Variants in RIT2 observed in about 807,000 individuals in gnomAD.
RIT2 encodes GTP-binding protein Rit2.
In RIT2, 24 loss-of-function variants were observed where a neutral mutation model predicts 23.7. The observed-to-expected ratio is 1.01, with a 90% confidence interval of 0.73 to 1.43. The LOEUF (loss-of-function observed/expected upper bound fraction) is 1.43. Among genes scored for constraint, RIT2 ranks in the 40% most tolerant of loss-of-function variants. The pLI is 0.00. For missense variants in RIT2, 236 were observed against 266.9 expected (o/e 0.88, Z 0.81); for synonymous variants, 107 against 91.1 (o/e 1.17, Z -0.99).
At chr18:42,994,932 C>T (rs1043608238) in intron 2 of RIT2, among the ~76,000 whole-genome samples, 2 of 152,132 alleles carry the variant, frequency 1.3e-5, no homozygotes, top group African/African-American at 4.8e-5. Context: ...GTTCCTGGCC[C>T]GGACTTCAAT....
Position 42,973,702 on chromosome 18 carries a change from G to A in RIT2, c.234+372C>T, listed in dbSNP as rs1910413382. 2.0e-5 allele frequency among the ~76,000 whole-genome samples: 3 copies of A among 151,552 alleles called. No individual in the cohort carries two copies. The South Asian group carries it at 6.2e-4, about 31-fold the overall frequency. ...TATTCCATCAGGTTCCTTATCCTTA[G>A]TTCCATGAGCAGATTTGCTAAGCAG... is the stretch of plus-strand genomic sequence containing the variant. On this transcript the variant is annotated intron_variant, in intron 3 of 4. Coordinates refer to ENST00000326695, the MANE Select transcript of RIT2 (RefSeq NM_002930.4).
intron 1 of RIT2, among the ~76,000 whole-genome samples, chr18:43,038,548 T>C (rs538966724): frequency 7.9e-5 from 12 of 152,244 alleles, no homozygotes; most frequent in African/African-American, 2.9e-4. Flanking sequence ...TGTCCCTTAT[T>C]TCTCAGATGA....
intron 4 of RIT2, among the ~76,000 whole-genome samples, chr18:42,854,507 GAAT>G (rs1907133759): frequency 6.6e-6 from 1 of 152,092 alleles, no homozygotes; most frequent in Admixed American, 6.5e-5. Flanking sequence ...TCCATACCCA[GAAT>G]GCTCTGTCAT....
chr18:43,010,763 T>G (rs1351654279), intron 2 of RIT2, among the ~76,000 whole-genome samples: 2 of 151,814 alleles, frequency 1.3e-5, no homozygotes, highest in Non-Finnish European at 2.9e-5. Flanking sequence ...AGGTCATGAC[T>G]AATTTTTACA....
chr18:42,886,242 A>G (rs1408505917), intron 4 of RIT2, among the ~76,000 whole-genome samples: 1 of 152,226 alleles, frequency 6.6e-6, no homozygotes, highest in Non-Finnish European at 1.5e-5. Flanking sequence ...GCATCATAAA[A>G]TCTTCATCAG....
intron 1 of RIT2, among the ~76,000 whole-genome samples, chr18:43,109,738 C>G (rs528068837): frequency 2.6e-5 from 4 of 152,172 alleles, no homozygotes; most frequent in Non-Finnish European, 4.4e-5. Flanking sequence ...TCCCAGAGGT[C>G]AGGAATCACC....
At chr18:42,974,598 T>C (rs1315898807) in intron 2 of RIT2, among the ~76,000 whole-genome samples, 1 of 151,744 alleles carries the variant, frequency 6.6e-6, no homozygotes. Context: ...GAAGAAAAAA[T>C]AAAATCATCC....
chr18:42,929,405 G>A (rs895932485), intron 3 of RIT2, among the ~76,000 whole-genome samples: 2 of 151,898 alleles, frequency 1.3e-5, no homozygotes, highest in African/African-American at 2.4e-5. Flanking sequence ...TAATACTGAC[G>A]GAAGCTTCAA....
At position 42,923,363 on chromosome 18, in the gene RIT2, G is replaced by C. The variant is rs1909099514; in HGVS notation, c.426+209C>G. On this transcript the variant is annotated intron_variant, in intron 4 of 4. Coordinates refer to ENST00000326695, the MANE Select transcript of RIT2 (RefSeq NM_002930.4). The stretch of plus-strand genomic sequence containing the variant: ...CCAGATCCTAGGGGATAGGGCACTA[G>C]TAAGGGCACTCTGCAAAATAGCATA... 3 of 565,002 alleles carry C rather than the reference G, an allele frequency of 5.3e-6. No individual in the cohort carries two copies. The East Asian group carries it at 8.8e-5, about 17-fold the overall frequency. 35.0% of individuals were successfully genotyped at this position (565,002 alleles called of 1,614,324 possible). A position where few individuals can be genotyped will look rare whatever the true frequency, so the allele number is the denominator to read the frequency against.
chr18:42,934,708 CAT>C (rs1909409587), intron 3 of RIT2, among the ~76,000 whole-genome samples: 1 of 152,024 alleles, frequency 6.6e-6, no homozygotes, highest in Admixed American at 6.6e-5. Flanking sequence ...TATTGTATAG[CAT>C]ATGTTTTATT....
chr18:42,992,836 C>G (rs939672195), intron 2 of RIT2, among the ~76,000 whole-genome samples: 1 of 152,094 alleles, frequency 6.6e-6, no homozygotes, highest in East Asian at 1.9e-4. Context: ...TGGCAGCAAC[C>G]CTGAGATGCT....
chr18:42,957,941 A>G (rs1910011469), intron 3 of RIT2, among the ~76,000 whole-genome samples: 1 of 152,168 alleles, frequency 6.6e-6, no homozygotes. Flanking sequence ...GCAGAGTGCA[A>G]TCTTGCTGCC....
intron 4 of RIT2, among the ~76,000 whole-genome samples, chr18:42,834,661 A>G (rs1044320863): frequency 6.6e-6 from 1 of 152,154 alleles, no homozygotes; most frequent in African/African-American, 2.4e-5. Flanking sequence ...TTTACTGAGT[A>G]GTTAGGGAAA....
intron 2 of RIT2, among the ~76,000 whole-genome samples, chr18:43,026,580 G>GAAAGAAAGAAAT (rs1911726790): frequency 2.0e-4 from 13 of 63,880 alleles, no homozygotes; most frequent in Admixed American, 1.9e-3. Context: ...AAATAAGAAA[G>GAAAGAAAGAAAT]AAAGAAAGAA....
At chr18:42,879,363 T>A (rs186579152) in intron 4 of RIT2, among the ~76,000 whole-genome samples, 1 of 152,160 alleles carries the variant, frequency 6.6e-6, no homozygotes, top group African/African-American at 2.4e-5. Context: ...AATTCTGAAA[T>A]ATCAGTATTA....
At chr18:42,921,655 C>G (rs917138565) in intron 4 of RIT2, among the ~76,000 whole-genome samples, 1 of 151,992 alleles carries the variant, frequency 6.6e-6, no homozygotes, top group Non-Finnish European at 1.5e-5. Flanking sequence ...TGATTTTTGG[C>G]CTGAAAAAAT....
intron 4 of RIT2, among the ~76,000 whole-genome samples, chr18:42,815,935 G>T (rs1905984828): frequency 6.6e-6 from 1 of 152,116 alleles, no homozygotes. Context: ...GACTATACAT[G>T]TTGAAAACGT....
intron 2 of RIT2, among the ~76,000 whole-genome samples, chr18:42,994,886 C>T (rs1910943392): frequency 6.6e-6 from 1 of 152,202 alleles, no homozygotes; most frequent in East Asian, 1.9e-4. Flanking sequence ...CCTTCAGCTA[C>T]ACTCACTCTT....
At chr18:43,067,721 A>G (rs966230502) in intron 1 of RIT2, among the ~76,000 whole-genome samples, 1 of 152,190 alleles carries the variant, frequency 6.6e-6, no homozygotes, top group Admixed American at 6.5e-5. Flanking sequence ...AATGTTCCTT[A>G]TCAGACTTAA....
Sources: allele counts gnomAD v4.1 joint callset (sites outside exome capture counted in the v4.1 genomes callset), GRCh38; gene constraint gnomAD v4.1.1; transcripts MANE v1.5; gene names NCBI Gene and HGNC (gene_info 2026-07-23, HGNC 2026-07-21).